The following RAB27A variants were observed in gnomAD, a reference collection of about 807,000 sequenced individuals.
The protein encoded by RAB27A is ras-related protein Rab-27A.
Under a neutral mutation model 20.8 loss-of-function variants are expected in RAB27A, and 17 were observed. The observed-to-expected ratio is 0.82, with a 90% confidence interval of 0.56 to 1.23. The LOEUF (loss-of-function observed/expected upper bound fraction) is 1.23. RAB27A is among the 50% of genes most tolerant of loss of function. The pLI is 0.00. For missense variants in RAB27A, 277 were observed against 266.7 expected, an observed-to-expected ratio of 1.04 and a Z score of -0.27; for synonymous variants, 85 against 92.8, an observed-to-expected ratio of 0.92 and a Z score of 0.48.
intron 1 of RAB27A, among the ~76,000 whole-genome samples, chr15:55,278,990 C>T (rs1595744440): frequency 6.6e-6 from 1 of 152,270 alleles, no homozygotes; most frequent in East Asian, 1.9e-4. Flanking sequence ...TAATTACAGC[C>T]TGAAGGAAAT....
At chr15:55,302,361 C>A (rs537914062) in intron 2 of RAB27A, among the ~76,000 whole-genome samples, 148 of 152,128 alleles carry the variant, frequency 9.7e-4, no homozygotes, top group African/African-American at 3.4e-3. Context: ...CAGACGGAGT[C>A]TCGTTCACTC....
At chr15:55,243,852 A>G (rs899424752) in intron 2 of RAB27A, among the ~76,000 whole-genome samples, 5 of 152,158 alleles carry the variant, frequency 3.3e-5, no homozygotes, top group Non-Finnish European at 7.4e-5. Flanking sequence ...ACTTCTCCCA[A>G]CAACTATACC....
At position 55,209,915 on chromosome 15, in the gene RAB27A, T is replaced by TGTGTACATGTAC. The variant is rs1894882843; in HGVS notation, c.468-4211_468-4210insGTACATGTACAC. Reference sequence around the variant, plus strand: ...ATATATACACATATGTGTGTGTATGTATATACACACATATATGTATGTACA... The same window carrying TGTGTACATGTAC: ...ATATATACACATATGTGTGTGTATGTGTGTACATGTACATATACACACATATATGTATGTACA... On this transcript the variant is annotated intron_variant, in intron 6 of 6. Coordinates refer to ENST00000336787, the MANE Select transcript of RAB27A (RefSeq NM_183235.3). Among the ~76,000 whole-genome samples, 13 of 95,006 alleles carry TGTGTACATGTAC rather than the reference T, an allele frequency of 1.4e-4. 1 individual carries two copies. The highest frequency in any genetic ancestry group is 8.9e-4 in the South Asian group (3 of 3,366). 62.3% of individuals were successfully genotyped at this position (95,006 alleles called of 152,430 possible).
rs1281917477 is a variant in RAB27A at position 55,205,034 on chromosome 15, ATTTAAGTGGC to A, written c.*463_*472del. 4.9e-6 allele frequency: 1 copy of A among 202,200 alleles called. No individual in the cohort carries two copies. The highest frequency in any genetic ancestry group is 5.3e-5 in the Admixed American group (1 of 18,762). 12.5% of individuals were successfully genotyped at this position (202,200 alleles called of 1,614,324 possible). On this transcript the variant is annotated 3_prime_UTR_variant, in exon 7 of 7. Transcript: ENST00000336787. ...ATGTGCATGTATATTCTTATTTAAC[ATTTAAGTGGC>A]TTTAATGGTATTTTAGAATGTCACC...
Position 55,285,706 on chromosome 15 carries a change from G to A in RAB27A, c.-143+4010C>T, listed in dbSNP as rs80091792. Among the ~76,000 whole-genome samples, 198 of 152,294 alleles carry A rather than the reference G, an allele frequency of 1.3e-3. 5 individuals are homozygous for A. The East Asian group carries it at 0.028, about 21-fold the overall frequency. ...CTTCAAGAACCAATCTTGTTTTAGC[G>A]ATGGCAAGACAATTTCCCTTCTCAG... On this transcript the variant is annotated intron_variant, in intron 1 of 6. Transcript: ENST00000336787.
chr15:55,216,913 CG>C (rs1566901800), intron 6 of RAB27A, among the ~76,000 whole-genome samples: 1 of 152,122 alleles, frequency 6.6e-6, no homozygotes, highest in African/African-American at 2.4e-5. Flanking sequence ...TTAATACTGA[CG>C]TATAAATGAT....
chr15:55,317,918 A>T lies in RAB27A; in HGVS notation c.-234+1013T>A, dbSNP rs1451029589. The T allele has an allele frequency of 1.0e-5, 4 of 386,098 alleles. No individual in the cohort carries two copies. The Admixed American group carries it at 1.8e-4, about 17-fold the overall frequency. The allele number at this position is 386,098 out of a possible 1,614,324, so 23.9% of individuals were successfully genotyped here. A position where few individuals can be genotyped will look rare whatever the true frequency, so the allele number is the denominator to read the frequency against. On this transcript the variant is annotated intron_variant, in intron 1 of 5. Transcript: ENST00000563262. ...CCATCACTTAGTACAATGTCCTTTT[A>T]AAAGATGTTATGTCACTACTTTGCA...
At position 55,256,840 on chromosome 15, in the gene RAB27A, C is replaced by G. The variant is rs146178855; in HGVS notation, c.-23+13325G>C. 7.2e-3 allele frequency among the ~76,000 whole-genome samples: 1,092 copies of G among 152,266 alleles called. 17 individuals are homozygous for G. Among genetic ancestry groups the G allele is most frequent in the African/African-American group, 0.025 (1,032 of 41,542 alleles). On this transcript the variant is annotated intron_variant, in intron 2 of 6. Coordinates refer to ENST00000336787, the MANE Select transcript of RAB27A (RefSeq NM_183235.3). ...TGACCACAATGGTCTCTTTCCAACACAGACATTCTATGCTGTATGATTCCA... is the reference window on the plus strand; with the variant it reads ...TGACCACAATGGTCTCTTTCCAACAGAGACATTCTATGCTGTATGATTCCA...
chr15:55,236,047 C>G (rs942755136), intron 2 of RAB27A, among the ~76,000 whole-genome samples: 1 of 151,886 alleles, frequency 6.6e-6, no homozygotes, highest in African/African-American at 2.4e-5. Context: ...TAAAAGACTA[C>G]AGATTGAATA....
At chr15:55,270,551 ACT>A (rs1380693716) in intron 1 of RAB27A, among the ~76,000 whole-genome samples, 3 of 151,972 alleles carry the variant, frequency 2.0e-5, no homozygotes, top group Non-Finnish European at 4.4e-5. Context: ...GTGTTAGAAG[ACT>A]CTGCACTTCA....
At chr15:55,288,015 T>C (rs547957990) in intron 1 of RAB27A, among the ~76,000 whole-genome samples, 1 of 151,892 alleles carries the variant, frequency 6.6e-6, no homozygotes, top group Non-Finnish European at 1.5e-5. Context: ...TTTAAACAAA[T>C]GGTGCTGAAA....
intron 2 of RAB27A, among the ~76,000 whole-genome samples, chr15:55,241,524 G>A (rs1357693703): frequency 6.6e-6 from 1 of 150,438 alleles, no homozygotes; most frequent in Non-Finnish European, 1.5e-5. Context: ...TAATACCAGT[G>A]ACTGAGGAGG....
At chr15:55,266,219 A>G (rs1897477033) in intron 2 of RAB27A, among the ~76,000 whole-genome samples, 1 of 152,348 alleles carries the variant, frequency 6.6e-6, no homozygotes, top group Non-Finnish European at 1.5e-5. Context: ...CTGCCTTGTG[A>G]GAATACAGTG....
intron 6 of RAB27A, among the ~76,000 whole-genome samples, chr15:55,210,859 T>G (rs142711344): frequency 6.6e-6 from 1 of 152,306 alleles, no homozygotes; most frequent in East Asian, 1.9e-4. Context: ...ACCTGGAGTG[T>G]TTCCCAAATG....
intron 1 of RAB27A, among the ~76,000 whole-genome samples, chr15:55,275,003 G>C (rs1020219838): frequency 6.6e-6 from 1 of 150,854 alleles, no homozygotes; most frequent in Non-Finnish European, 1.5e-5. Context: ...GTAATCCCAG[G>C]ACTTTGGAAG....
At chr15:55,205,747 A>G in intron 6 of RAB27A, 42 bp from the exon 7 acceptor site, 1 of 1,500,312 alleles carries the variant, frequency 6.7e-7, no homozygotes. Flanking sequence ...TGTGGAGGGA[A>G]AGGAGAGTGA....
At chr15:55,288,912 T>C (rs576240525) in intron 1 of RAB27A, 1 of 152,100 alleles carries the variant, frequency 6.6e-6, no homozygotes, top group Non-Finnish European at 1.5e-5. Context: ...CACAACTCTA[T>C]AATCCCTCTA....
chr15:55,274,792 A>ATTT (rs1897804590), intron 1 of RAB27A, among the ~76,000 whole-genome samples: 1 of 101,564 alleles, frequency 9.8e-6, no homozygotes, highest in African/African-American at 4.2e-5. Flanking sequence ...AAAATAAATA[A>ATTT]ATTATATATA....
chr15:55,309,344 G>A (rs985874243), intron 2 of RAB27A, among the ~76,000 whole-genome samples: 3 of 152,224 alleles, frequency 2.0e-5, no homozygotes, highest in Non-Finnish European at 4.4e-5. Flanking sequence ...AACCTGCTGA[G>A]AGCAGAGCTG....
Sources: gnomAD v4.1 joint callset for allele counts (sites outside exome capture counted in the v4.1 genomes callset) on GRCh38, gnomAD v4.1.1 for gene constraint, MANE v1.5 for transcripts, NCBI Gene and HGNC (gene_info 2026-07-23, HGNC 2026-07-21) for gene names.